Variants in SLX4IP observed in about 807,000 individuals in gnomAD.
SLX4IP encodes SLX4 interacting protein.
Under a neutral mutation model 32.9 loss-of-function variants are expected in SLX4IP, and 34 were observed. The observed-to-expected ratio is 1.03, with a 90% CI of 0.79 to 1.38. SLX4IP has a LOEUF of 1.38. SLX4IP is among the 40% of genes most tolerant of loss of function. SLX4IP has a pLI of 0.00. For synonymous variants in SLX4IP, 172 were observed against 171.7 expected, an observed-to-expected ratio of 1.00 and a Z score of -0.01; for missense variants, 444 against 479.0, an observed-to-expected ratio of 0.93 and a Z score of 0.68.
chr20:10,472,670 T>G (rs2065435666), intron 2 of SLX4IP, among the ~76,000 whole-genome samples: 1 of 152,222 alleles, frequency 6.6e-6, no homozygotes, highest in Non-Finnish European at 1.5e-5. Flanking sequence ...ACTTGAGTCT[T>G]TCTGAGCTTT....
chr20:10,627,358 T>A lies in SLX4IP; in HGVS notation c.*3979T>A, dbSNP rs2067184853. 2 of 152,242 alleles carry A rather than the reference T, an allele frequency of 1.3e-5. No individual in the cohort carries two copies. The highest frequency in any genetic ancestry group is 4.8e-5 in the African/African-American group (2 of 41,474). The allele number at this position is 152,242 out of a possible 1,614,324, so 9.4% of individuals were successfully genotyped here. On this transcript the variant is annotated 3_prime_UTR_variant, in exon 8 of 8. Transcript: ENST00000334534. ...AGTAAAAAATCAAAATTAGGTTGGTTTATCTTAAATAGTTAAAAGCCTTCC... is the reference window on the plus strand; with the variant it reads ...AGTAAAAAATCAAAATTAGGTTGGTATATCTTAAATAGTTAAAAGCCTTCC...
At chr20:10,542,380 A>T (rs984773640) in intron 2 of SLX4IP, among the ~76,000 whole-genome samples, 2 of 152,206 alleles carry the variant, frequency 1.3e-5, no homozygotes, top group Admixed American at 1.3e-4. Context: ...AAGGCCCTAG[A>T]GAACTAAGGA....
At chr20:10,539,692 A>G (rs1311335989) in intron 2 of SLX4IP, among the ~76,000 whole-genome samples, 1 of 152,198 alleles carries the variant, frequency 6.6e-6, no homozygotes, top group Admixed American at 6.5e-5. Context: ...TTCAGAGTAT[A>G]TGTAGTCTCC....
intron 2 of SLX4IP, among the ~76,000 whole-genome samples, chr20:10,507,176 A>G (rs1370165198): frequency 1.3e-5 from 2 of 152,198 alleles, no homozygotes; most frequent in Non-Finnish European, 2.9e-5. Context: ...TTCTAAGCCT[A>G]TGGGAGGCCA....
At chr20:10,547,000 G>A (rs1051447746) in intron 2 of SLX4IP, among the ~76,000 whole-genome samples, 2 of 152,092 alleles carry the variant, frequency 1.3e-5, no homozygotes, top group African/African-American at 2.4e-5. Flanking sequence ...TCTACCCCAG[G>A]GTCCCAGGGG....
chr20:10,515,203 G>A (rs1383512094), intron 2 of SLX4IP, among the ~76,000 whole-genome samples: 3 of 146,778 alleles, frequency 2.0e-5, no homozygotes, highest in African/African-American at 7.5e-5. Flanking sequence ...TCCTGCCTCA[G>A]CCTCCCAAGT....
At chr20:10,439,825 G>C (rs1412263851) in intron 1 of SLX4IP, among the ~76,000 whole-genome samples, 1 of 152,206 alleles carries the variant, frequency 6.6e-6, no homozygotes, top group Non-Finnish European at 1.5e-5. Context: ...AGGTAGCAAA[G>C]TAGAGATCTA....
At chr20:10,491,395 G>A (rs950803524) in intron 2 of SLX4IP, among the ~76,000 whole-genome samples, 2 of 151,816 alleles carry the variant, frequency 1.3e-5, no homozygotes, top group South Asian at 4.1e-4. Context: ...CAGCTCTAAC[G>A]TTCTTCAGAG....
At chr20:10,485,918 A>C (rs1469343342) in intron 2 of SLX4IP, among the ~76,000 whole-genome samples, 2 of 152,052 alleles carry the variant, frequency 1.3e-5, no homozygotes, top group African/African-American at 4.8e-5. Context: ...TTATCTTCAT[A>C]TTGAGTCGGT....
intron 5 of SLX4IP, 38 bp downstream of exon 5, chr20:10,598,790 AC>A (rs765617240): frequency 6.3e-7 from 1 of 1,589,548 alleles, no homozygotes; most frequent in Non-Finnish European, 8.6e-7. Flanking sequence ...GACATTTCAC[AC>A]AATCTGCTTG....
rs1005597888 is a variant in SLX4IP at position 10,626,952 on chromosome 20, T to C, written c.*3573T>C. 6.6e-6 allele frequency: 1 copy of C among 152,252 alleles called. No homozygotes were observed. Among genetic ancestry groups the C allele is most frequent in the African/African-American group, 2.4e-5 (1 of 41,460 alleles). The allele number at this position is 152,252 out of a possible 1,614,324, so 9.4% of individuals were successfully genotyped here. A position where few individuals can be genotyped will look rare whatever the true frequency, so the allele number is the denominator to read the frequency against. The stretch of plus-strand genomic sequence containing the variant: ...TTGCTGTTGGTGTCATGTTTGGATT[T>C]TAGCATGGTTTGTTATGCATGTCAG... On this transcript the variant is annotated 3_prime_UTR_variant, in exon 8 of 8. Transcript: ENST00000334534.
At chr20:10,444,635 C>T (rs2065186177) in intron 1 of SLX4IP, among the ~76,000 whole-genome samples, 1 of 152,168 alleles carries the variant, frequency 6.6e-6, no homozygotes, top group Non-Finnish European at 1.5e-5. Flanking sequence ...CTCAGCCTCC[C>T]AAAGTGCTGG....
chr20:10,601,865 T>C (rs1233071644), intron 6 of SLX4IP, 46 bp downstream of exon 6: 6 of 1,499,714 alleles, frequency 4.0e-6, no homozygotes, highest in Non-Finnish European at 5.6e-6. Flanking sequence ...GCTTAAATGC[T>C]GAGTTACTGT....
intron 1 of SLX4IP, among the ~76,000 whole-genome samples, chr20:10,441,380 T>G (rs1462894157): frequency 2.6e-5 from 4 of 152,138 alleles, no homozygotes. Context: ...GAGGTTTCAG[T>G]GAGCCGTGAT....
chr20:10,533,300 C>T (rs2066005164), intron 2 of SLX4IP, among the ~76,000 whole-genome samples: 1 of 152,074 alleles, frequency 6.6e-6, no homozygotes, highest in Admixed American at 6.6e-5. Context: ...TATGAAACAT[C>T]TCTTTTTTGT....
intron 2 of SLX4IP, among the ~76,000 whole-genome samples, chr20:10,472,234 C>CTTT (rs5840380): frequency 1.4e-5 from 2 of 142,428 alleles, no homozygotes; most frequent in African/African-American, 2.6e-5. Context: ...TAATACTATA[C>CTTT]TTTTTTTTTT....
chr20:10,582,661 A>G (rs2066598983), intron 4 of SLX4IP, among the ~76,000 whole-genome samples: 2 of 152,214 alleles, frequency 1.3e-5, no homozygotes, highest in Admixed American at 6.5e-5. Flanking sequence ...GTATTTTACA[A>G]TAGTATGATA....
chr20:10,487,652 G>A (rs988632758), intron 2 of SLX4IP, among the ~76,000 whole-genome samples: 1 of 152,104 alleles, frequency 6.6e-6, no homozygotes, highest in African/African-American at 2.4e-5. Flanking sequence ...AGACCTGTTG[G>A]GAATCTGAGG....
intron 6 of SLX4IP, chr20:10,613,978 G>C (rs1346655439): frequency 4.2e-6 from 5 of 1,188,986 alleles, no homozygotes; most frequent in African/African-American, 1.5e-5. Context: ...ACCGTTCCCT[G>C]CTCATCGTAC....
Sources: gnomAD v4.1 joint callset for allele counts (sites outside exome capture counted in the v4.1 genomes callset) on GRCh38, gnomAD v4.1.1 for gene constraint, MANE v1.5 for transcripts, NCBI Gene and HGNC (gene_info 2026-07-23, HGNC 2026-07-21) for gene names.